Variants in SNCAIP observed in about 807,000 individuals in gnomAD.
The protein encoded by SNCAIP is synphilin-1.
A neutral mutation model predicts 86.7 loss-of-function variants in SNCAIP; 43 were observed. That is an observed-to-expected ratio of 0.50 (90% CI 0.39 to 0.64). The LOEUF (loss-of-function observed/expected upper bound fraction) is 0.64. SNCAIP is among the 30% of genes least tolerant of loss of function. SNCAIP has a pLI of 0.00. For synonymous variants in SNCAIP, 417 were observed against 427.2 expected (o/e 0.98, Z 0.29); for missense variants, 981 against 1,103.1 (o/e 0.89, Z 1.57).
intron 2 of SNCAIP, among the ~76,000 whole-genome samples, chr5:122,391,492 T>C (rs1381219798): frequency 6.6e-6 from 1 of 152,234 alleles, no homozygotes; most frequent in Non-Finnish European, 1.5e-5. Context: ...TGCAGCCACT[T>C]TCATAGAGTT....
chr5:122,342,529 GA>G (rs751059502), intron 1 of SNCAIP, among the ~76,000 whole-genome samples: 2 of 152,206 alleles, frequency 1.3e-5, no homozygotes, highest in Non-Finnish European at 2.9e-5. Flanking sequence ...CTCCTATGAT[GA>G]AGTGAGGGTG....
At position 122,451,222 on chromosome 5, in the gene SNCAIP, C is replaced by T; in HGVS notation, c.2375C>T (p.Ala792Val). 1.9e-6 allele frequency: 3 copies of T among 1,614,172 alleles called. No homozygotes were observed. The highest frequency in any genetic ancestry group is 2.5e-6 in the Non-Finnish European group (3 of 1,180,016). ...GACAGTACTGCTGCCCAGAAAGTTG[C>T]CACAAGTCCCAAGAGTGCCCTCAAG... is the stretch of plus-strand genomic sequence containing the variant. ...SPDSTAAQKV[A>V]TSPKSALKSP... is the part of the protein sequence containing the mutation. The change falls in exon 10 of 11, where the codon GCC becomes GTC. Residue 792 changes from alanine (A) to valine (V), a missense_variant. Physicochemically the swap from Ala to Val is moderately conservative, Grantham distance 64. Transcript: ENST00000261368.
At chr5:122,365,800 T>G (rs2152778287) in intron 1 of SNCAIP, among the ~76,000 whole-genome samples, 1 of 152,274 alleles carries the variant, frequency 6.6e-6, no homozygotes, top group Admixed American at 6.5e-5. Context: ...GCACTGTGGG[T>G]TATGGTGAAC....
chr5:122,390,675 T>C (rs1161809329), intron 1 of SNCAIP, among the ~76,000 whole-genome samples: 3 of 152,168 alleles, frequency 2.0e-5, no homozygotes, highest in Non-Finnish European at 2.9e-5. Context: ...CCCAAGGATA[T>C]GCCCACAGGA....
At chr5:122,461,007 T>A (rs1359897377) in intron 10 of SNCAIP, among the ~76,000 whole-genome samples, 1 of 152,192 alleles carries the variant, frequency 6.6e-6, no homozygotes, top group Non-Finnish European at 1.5e-5. Flanking sequence ...CCTTTCTATT[T>A]TGTTTATTCT....
At chr5:122,380,927 C>G (rs1253164636) in intron 1 of SNCAIP, among the ~76,000 whole-genome samples, 1 of 149,694 alleles carries the variant, frequency 6.7e-6, no homozygotes, top group Non-Finnish European at 1.5e-5. Flanking sequence ...AATCTCTGTT[C>G]TTTTACATTT....
chr5:122,437,194 A>G (rs1332351661), intron 6 of SNCAIP: 1 of 152,254 alleles, frequency 6.6e-6, no homozygotes, highest in Non-Finnish European at 1.5e-5. Context: ...ACACCATTAC[A>G]TATGTATCTA....
chr5:122,445,591 G>A (rs950265938), intron 8 of SNCAIP, among the ~76,000 whole-genome samples: 2 of 151,494 alleles, frequency 1.3e-5, no homozygotes, highest in Non-Finnish European at 2.9e-5. Context: ...CAGATTAGGA[G>A]GGTAAATCTT....
chr5:122,314,678 T>C (rs1255461977), intron 1 of SNCAIP, among the ~76,000 whole-genome samples: 1 of 152,254 alleles, frequency 6.6e-6, no homozygotes, highest in Non-Finnish European at 1.5e-5. Flanking sequence ...ATATGTACTA[T>C]GCATGATTTT....
intron 2 of SNCAIP, among the ~76,000 whole-genome samples, chr5:122,400,706 T>G (rs556248022): frequency 6.6e-6 from 1 of 152,292 alleles, no homozygotes; most frequent in African/African-American, 2.4e-5. Context: ...GGGCATTGCA[T>G]GAATGGGGGA....
intron 10 of SNCAIP, among the ~76,000 whole-genome samples, chr5:122,457,612 TCA>T (rs1209097286): frequency 6.6e-6 from 1 of 152,076 alleles, no homozygotes; most frequent in East Asian, 1.9e-4. Flanking sequence ...TCTCTCTCTC[TCA>T]CTCTCTCTCT....
chr5:122,323,335 C>G (rs907526615), intron 1 of SNCAIP: 1 of 152,182 alleles, frequency 6.6e-6, no homozygotes, highest in Non-Finnish European at 1.5e-5. Flanking sequence ...AACGTGGTTA[C>G]AAATCTTGGG....
chr5:122,331,542 A>G (rs1274652816), intron 1 of SNCAIP, among the ~76,000 whole-genome samples: 1 of 152,220 alleles, frequency 6.6e-6, no homozygotes, highest in Non-Finnish European at 1.5e-5. Flanking sequence ...GTGACAAAAT[A>G]CCATAATCTG....
At chr5:122,335,197 A>G (rs1476577685) in intron 1 of SNCAIP, among the ~76,000 whole-genome samples, 2 of 152,160 alleles carry the variant, frequency 1.3e-5, no homozygotes, top group African/African-American at 4.8e-5. Flanking sequence ...TGTTGTTAGG[A>G]GGAAAAACAG....
intron 1 of SNCAIP, among the ~76,000 whole-genome samples, chr5:122,362,190 A>G (rs1236526342): frequency 1.3e-5 from 2 of 152,306 alleles, no homozygotes; most frequent in Non-Finnish European, 2.9e-5. Flanking sequence ...TGCTTGTATT[A>G]TCTTATTTAA....
chr5:122,328,033 A>T (rs1754473786), intron 1 of SNCAIP, among the ~76,000 whole-genome samples: 1 of 152,182 alleles, frequency 6.6e-6, no homozygotes, highest in Non-Finnish European at 1.5e-5. Flanking sequence ...GATTAGACAG[A>T]ACTTGGGAAA....
intron 1 of SNCAIP, among the ~76,000 whole-genome samples, chr5:122,330,976 A>G (rs1417559130): frequency 1.3e-5 from 2 of 151,908 alleles, no homozygotes; most frequent in African/African-American, 4.8e-5. Context: ...AGATTCTCAC[A>G]AGGAGCGCAC....
At chr5:122,456,925 A>G (rs921173041) in intron 10 of SNCAIP, among the ~76,000 whole-genome samples, 2 of 152,220 alleles carry the variant, frequency 1.3e-5, no homozygotes, top group African/African-American at 4.8e-5. Context: ...AGTATTTAGT[A>G]AAGTAGTTGG....
intron 1 of SNCAIP, among the ~76,000 whole-genome samples, chr5:122,321,032 A>C (rs3885685): frequency 0.17 from 26,230 of 151,802 alleles, 2,376 homozygotes; most frequent in South Asian, 0.3. Flanking sequence ...GCCTCCCCAG[A>C]TTTTCTCCTG....
Sources: gnomAD v4.1 joint callset for allele counts (sites outside exome capture counted in the v4.1 genomes callset) on GRCh38, gnomAD v4.1.1 for gene constraint, MANE v1.5 for transcripts, NCBI Gene and HGNC (gene_info 2026-07-23, HGNC 2026-07-21) for gene names.